Variants in RNFT2 observed in about 807,000 individuals in gnomAD.
RNFT2 encodes the protein E3 ubiquitin-protein ligase RNFT2.
RNFT2 carries 36 observed loss-of-function variants against 53.0 expected under a neutral mutation model. The observed-to-expected ratio is 0.68, with a 90% CI of 0.52 to 0.90. The LOEUF (loss-of-function observed/expected upper bound fraction) is 0.90, where lower values mean the gene tolerates loss of function less well. Ranked by LOEUF, RNFT2 falls within the 40% of genes least tolerant of loss-of-function variation. The pLI is 0.00. For synonymous variants in RNFT2, 260 were observed against 253.2 expected (o/e 1.03, Z -0.26); for missense variants, 514 against 585.6 (o/e 0.88, Z 1.26).
rs190448063 is a variant in RNFT2, at chr12:116,777,274, G to A, written c.729-1921G>A. Among the ~76,000 whole-genome samples the A allele has an allele frequency of 2.4e-3, 371 of 152,244 alleles. 1 individual carries two copies. Among genetic ancestry groups the A allele is most frequent in the African/African-American group, 8.5e-3 (352 of 41,546 alleles). ...TAGAGTCTTTGGGAAGACAACATGA[G>A]TTAAGACATATAAAATATACAGAGC... On this transcript the variant is annotated intron_variant, in intron 6 of 10. Coordinates refer to ENST00000257575, the MANE Select transcript of RNFT2 (RefSeq NM_001382266.1).
chr12:116,817,173 C>T (rs764972989), intron 7 of RNFT2, among the ~76,000 whole-genome samples: 26 of 152,220 alleles, frequency 1.7e-4, no homozygotes, highest in African/African-American at 3.1e-4. Context: ...CTACCATGGC[C>T]GACTAATTTT....
intron 10 of RNFT2, among the ~76,000 whole-genome samples, chr12:116,843,663 T>C (rs1877466904): frequency 6.6e-6 from 1 of 151,554 alleles, no homozygotes; most frequent in Admixed American, 6.6e-5. Flanking sequence ...TTTCTCCACA[T>C]GCTGGAGGCA....
Position 116,851,799 on chromosome 12 carries a change from GAAA to G in RNFT2, c.*2352_*2354del. ...GGGAGGAAGGAAGGAAGGAAGGAAA[GAAA>G]GAAAGGTCAGCTTTGGCCCAGATGT... is the stretch of plus-strand genomic sequence containing the variant. On this transcript the variant is annotated 3_prime_UTR_variant, in exon 11 of 11. Coordinates refer to ENST00000257575, the MANE Select transcript of RNFT2 (RefSeq NM_001382266.1). The G allele has an allele frequency of 1.1e-6, 1 of 894,456 alleles. No individual in the cohort carries two copies. Among genetic ancestry groups the G allele is most frequent in the Non-Finnish European group, 1.7e-6 (1 of 591,064 alleles). 55.4% of individuals were successfully genotyped at this position (894,456 alleles called of 1,614,324 possible). A position where few individuals can be genotyped will look rare whatever the true frequency, so the allele number is the denominator to read the frequency against.
intron 10 of RNFT2, among the ~76,000 whole-genome samples, chr12:116,841,404 G>C (rs986588038): frequency 6.6e-5 from 10 of 152,152 alleles, no homozygotes; most frequent in African/African-American, 2.4e-5. Context: ...AGTGAGCCGA[G>C]ATTGCACCAC....
At chr12:116,782,839 T>C (rs913576243) in intron 7 of RNFT2, among the ~76,000 whole-genome samples, 6 of 152,122 alleles carry the variant, frequency 3.9e-5, no homozygotes, top group Admixed American at 3.9e-4. Flanking sequence ...AACTGTGCCC[T>C]CCTCGTACCC....
At chr12:116,746,328 G>A (rs528306839) in intron 3 of RNFT2, among the ~76,000 whole-genome samples, 1 of 152,290 alleles carries the variant, frequency 6.6e-6, no homozygotes, top group South Asian at 2.1e-4. Flanking sequence ...CTCCAGTGGG[G>A]TCGGGGCACC....
intron 7 of RNFT2, among the ~76,000 whole-genome samples, chr12:116,808,755 C>T (rs927514978): frequency 3.9e-5 from 6 of 152,126 alleles, no homozygotes; most frequent in African/African-American, 1.2e-4. Flanking sequence ...TAATGGCAAA[C>T]GGCAGGGAGG....
At chr12:116,779,496 C>A in intron 7 of RNFT2, 148 bp downstream of exon 7, 1 of 819,170 alleles carries the variant, frequency 1.2e-6, no homozygotes, top group Non-Finnish European at 1.9e-6. Flanking sequence ...GCTCCTGTCA[C>A]CCACCTCTTC....
intron 5 of RNFT2, among the ~76,000 whole-genome samples, chr12:116,758,776 C>G (rs1464549297): frequency 6.6e-6 from 1 of 152,190 alleles, no homozygotes; most frequent in Non-Finnish European, 1.5e-5. Flanking sequence ...GTGCTTCTGT[C>G]TCACAGCTCT....
chr12:116,835,968 C>T lies in RNFT2; in HGVS notation c.1041C>T (p.Asp347=). The change falls in exon 9 of 11, where the codon GAC becomes GAT. Residue 347 remains aspartate (D), a synonymous_variant. Transcript: ENST00000257575. The part of the protein sequence containing the change: ...IVLYSLCKSF[D]ICGRVGGVRK... Reference sequence around the variant, plus strand: ...CCCTGCTCTCCTTTCAGTCCTTCGACATCTGTGGACGTGTGGGCGGAGTTA... The same window carrying T: ...CCCTGCTCTCCTTTCAGTCCTTCGATATCTGTGGACGTGTGGGCGGAGTTA... 2 of 1,614,022 alleles carry T rather than the reference C, an allele frequency of 1.2e-6. No individual in the cohort carries two copies. The highest frequency in any genetic ancestry group is 1.7e-6 in the Non-Finnish European group (2 of 1,179,884).
At chr12:116,760,529 C>T (rs1405313688) in intron 5 of RNFT2, among the ~76,000 whole-genome samples, 4 of 152,208 alleles carry the variant, frequency 2.6e-5, no homozygotes, top group Non-Finnish European at 5.9e-5. Context: ...GCTTCCTCTA[C>T]GCCTGTATTT....
At chr12:116,844,925 A>T (rs1263241689) in intron 10 of RNFT2, among the ~76,000 whole-genome samples, 1 of 152,002 alleles carries the variant, frequency 6.6e-6, no homozygotes, top group Non-Finnish European at 1.5e-5. Flanking sequence ...CTCAGCATAA[A>T]ACCAGGTTCT....
chr12:116,847,077 T>G (rs570503193), intron 10 of RNFT2, among the ~76,000 whole-genome samples: 61 of 151,682 alleles, frequency 4.0e-4, no homozygotes, highest in African/African-American at 1.4e-3. Context: ...CCTGGCTAAT[T>G]TTTGTATTTT....
intron 10 of RNFT2, among the ~76,000 whole-genome samples, chr12:116,841,584 C>A (rs963859066): frequency 4.0e-5 from 6 of 149,442 alleles, no homozygotes; most frequent in Non-Finnish European, 7.4e-5. Context: ...CCGGTCTCTA[C>A]TAAAAATACA....
chr12:116,740,212 A>G, intron 1 of RNFT2, 133 bp from the exon 2 acceptor site: 1 of 309,768 alleles, frequency 3.2e-6, no homozygotes. Flanking sequence ...TCAAGGGGGG[A>G]TCACTGAGAG....
intron 1 of RNFT2, among the ~76,000 whole-genome samples, chr12:116,739,629 G>C (rs1187988001): frequency 6.6e-6 from 1 of 152,252 alleles, no homozygotes; most frequent in Admixed American, 6.5e-5. Context: ...AGTATTCCAA[G>C]GGGAGGGCAC....
At position 116,835,988 on chromosome 12, in the gene RNFT2, G is replaced by C; in HGVS notation, c.1061G>C (p.Gly354Ala). 2.5e-6 allele frequency: 4 copies of C among 1,613,992 alleles called. No individual in the cohort carries two copies. Among genetic ancestry groups the C allele is most frequent in the Non-Finnish European group, 3.4e-6 (4 of 1,179,880 alleles). ...KSFDICGRVG[G>A]VRKALKLLCT... ...TTCGACATCTGTGGACGTGTGGGCG[G>C]AGTTAGGAAAGCCCTGAAGCTTCTC... The change falls in exon 9 of 11, where the codon GGA (glycine) becomes GCA (alanine). Residue 354 changes from glycine to alanine, a missense_variant. By Grantham distance (60) the Gly-to-Ala change is moderately conservative (BLOSUM62 0). Transcript: ENST00000257575.
intron 4 of RNFT2, among the ~76,000 whole-genome samples, chr12:116,750,656 G>A (rs1872147471): frequency 6.6e-6 from 1 of 151,180 alleles, no homozygotes; most frequent in East Asian, 1.9e-4. Context: ...TGTGATGCTA[G>A]GTGCATTATT....
intron 7 of RNFT2, among the ~76,000 whole-genome samples, chr12:116,803,669 T>G (rs1874911305): frequency 6.6e-6 from 1 of 152,216 alleles, no homozygotes; most frequent in Non-Finnish European, 1.5e-5. Flanking sequence ...GGCAGTCATT[T>G]AGGGATCGTG....
Sources: gnomAD v4.1 joint callset for allele counts (sites outside exome capture counted in the v4.1 genomes callset) on GRCh38, gnomAD v4.1.1 for gene constraint, MANE v1.5 for transcripts, NCBI Gene and HGNC (gene_info 2026-07-23, HGNC 2026-07-21) for gene names.